The following CFAP54 variants were observed in gnomAD, a reference collection of about 807,000 sequenced individuals.
The protein encoded by CFAP54 is cilia and flagella associated protein 54.
In CFAP54, 290 loss-of-function variants were observed where a neutral mutation model predicts 370.4. The observed-to-expected ratio is 0.78, with a 90% confidence interval of 0.71 to 0.86. The LOEUF is 0.86. Ranked by LOEUF, CFAP54 falls within the 40% of genes least tolerant of loss-of-function variation. The pLI is 0.00. For synonymous variants in CFAP54, 1,206 were observed against 1,236.5 expected, an observed-to-expected ratio of 0.98 and a Z score of 0.52; for missense variants, 3,399 against 3,528.7, an observed-to-expected ratio of 0.96 and a Z score of 0.93.
chr12:96,833,875 TAATATTTTA>T (rs1160337854), intron 66 of CFAP54, among the ~76,000 whole-genome samples: 1 of 152,158 alleles, frequency 6.6e-6, no homozygotes, highest in Non-Finnish European at 1.5e-5. Flanking sequence ...TTAAATAATT[TAATATTTTA>T]AATATTTAAT....
intron 11 of CFAP54, among the ~76,000 whole-genome samples, 157 bp downstream of exon 11, chr12:96,534,384 A>G (rs1228349903): frequency 1.3e-5 from 2 of 152,188 alleles, no homozygotes; most frequent in African/African-American, 4.8e-5. Flanking sequence ...GCATGGGGGT[A>G]TGTGTGACCA....
intron 66 of CFAP54, among the ~76,000 whole-genome samples, chr12:96,857,003 G>A (rs373270367): frequency 1.3e-5 from 2 of 152,152 alleles, no homozygotes; most frequent in Non-Finnish European, 2.9e-5. Context: ...ATCATGGTGC[G>A]AGGGGAAGCA....
Position 96,644,325 on chromosome 12 carries a change from A to G in CFAP54, c.4464A>G (p.Leu1488=). The G allele has an allele frequency of 6.5e-7, 1 of 1,535,976 alleles. No homozygotes were observed. The highest frequency in any genetic ancestry group is 8.7e-7 in the Non-Finnish European group (1 of 1,146,768). The change falls in exon 33 of 68, where the codon CTA becomes CTG. Residue 1488 remains leucine, a synonymous_variant. Coordinates refer to ENST00000524981, the MANE Select transcript of CFAP54 (RefSeq NM_001306084.2). Reference sequence around the variant, plus strand: ...GGAGAGCTCAGATGAACCTGTATCTAGCAGGTGCACACTTTAACCTGGTTT... The same window carrying G: ...GGAGAGCTCAGATGAACCTGTATCTGGCAGGTGCACACTTTAACCTGGTTT... The part of the protein sequence containing the change: ...MPWRAQMNLY[L]AGAHFNLVLQ...
At chr12:96,574,073 C>A (rs185461276) in intron 19 of CFAP54, among the ~76,000 whole-genome samples, 1 of 152,148 alleles carries the variant, frequency 6.6e-6, no homozygotes, top group Non-Finnish European at 1.5e-5. Flanking sequence ...CAATTTCGAC[C>A]AGGCTTCATT....
At chr12:96,645,349 A>G (rs1956776359) in intron 33 of CFAP54, 2 of 318,534 alleles carry the variant, frequency 6.3e-6, no homozygotes, top group Admixed American at 7.6e-5. Flanking sequence ...CCCATTCACA[A>G]TTGCTTCAAA....
chr12:96,829,806 C>G (rs1959165249), intron 66 of CFAP54, among the ~76,000 whole-genome samples: 1 of 152,056 alleles, frequency 6.6e-6, no homozygotes, highest in Admixed American at 6.6e-5. Flanking sequence ...TCACCGCTGT[C>G]TATCACTGTC....
In CFAP54 at chr12:96,708,598, C is replaced by A. The variant is rs1208275055; in HGVS notation, c.6529-10C>A. 2 of 1,575,320 alleles carry A rather than the reference C, an allele frequency of 1.3e-6. No homozygotes were observed. Among genetic ancestry groups the A allele is most frequent in the East Asian group, 4.5e-5 (2 of 44,460 alleles). On this transcript the variant is annotated splice_polypyrimidine_tract_variant and intron_variant, in intron 47 of 67. Transcript: ENST00000524981. ...CTAATTTGCTCTTTTTCCTTTTTTC[C>A]ATTTTTTAGGCAATTGATGAATTAA...
chr12:96,634,117 G>T (rs937472233), intron 32 of CFAP54, among the ~76,000 whole-genome samples: 3 of 136,346 alleles, frequency 2.2e-5, no homozygotes, highest in East Asian at 4.3e-4. Context: ...GTGCAGTGGC[G>T]TGATCTTGGC....
At chr12:96,641,629 G>A (rs566992326) in intron 32 of CFAP54, among the ~76,000 whole-genome samples, 69 of 152,200 alleles carry the variant, frequency 4.5e-4, no homozygotes, top group South Asian at 2.9e-3. Flanking sequence ...ACATGCACAC[G>A]TATGTTTATT....
intron 9 of CFAP54, 103 bp downstream of exon 9, chr12:96,527,547 TTG>T (rs1318659490): frequency 3.9e-5 from 23 of 583,624 alleles, no homozygotes; most frequent in Admixed American, 1.5e-4. Flanking sequence ...AACATTTATA[TTG>T]TTTTTTTTTT....
At chr12:96,742,736 T>C (rs1053057132) in intron 52 of CFAP54, 150 bp downstream of exon 52, 32 of 807,022 alleles carry the variant, frequency 4.0e-5, no homozygotes, top group Non-Finnish European at 5.7e-5. Flanking sequence ...TATTAATATA[T>C]AGGAATATTT....
intron 67 of CFAP54, among the ~76,000 whole-genome samples, chr12:96,862,567 A>G (rs1355738202): frequency 6.6e-6 from 1 of 152,208 alleles, no homozygotes; most frequent in African/African-American, 2.4e-5. Flanking sequence ...TCCAGGGCAG[A>G]TAAGAATGCA....
intron 40 of CFAP54, chr12:96,682,333 A>G (rs2136551722): frequency 1.0e-6 from 1 of 983,936 alleles, no homozygotes; most frequent in Non-Finnish European, 1.2e-6. Context: ...TCACCAAACT[A>G]TTGGTAAGAG....
At chr12:96,735,647 A>G (rs557350320) in intron 50 of CFAP54, among the ~76,000 whole-genome samples, 5 of 152,324 alleles carry the variant, frequency 3.3e-5, no homozygotes, top group Non-Finnish European at 7.4e-5. Flanking sequence ...ACTAACAATG[A>G]CCTGGGGATA....
chr12:96,753,897 A>T lies in CFAP54; in HGVS notation c.7839A>T (p.Lys2613Asn). ...TGGAAGCTGAAATCCTTTTTCAGAAAGGTAAAATGCATCTGGGGTCAGAAC... is the reference window on the plus strand; with the variant it reads ...TGGAAGCTGAAATCCTTTTTCAGAATGGTAAAATGCATCTGGGGTCAGAAC... ...HEVEAEILFQKGKIERQILME... is the reference protein window; with the variant it reads ...HEVEAEILFQNGKIERQILME... The change falls in exon 56 of 68, where the codon AAA becomes AAT. Residue 2613 changes from lysine to asparagine, a missense_variant and splice_region_variant. This residue lies in a region of CFAP54 where 2,796 missense variants were observed against 2,869.7 expected (regional missense o/e 0.97). Transcript: ENST00000524981. The T allele has an allele frequency of 1.2e-6, 2 of 1,613,588 alleles. No individual in the cohort carries two copies. The highest frequency in any genetic ancestry group is 1.7e-6 in the Non-Finnish European group (2 of 1,179,706).
In CFAP54 at chr12:96,743,770, C is replaced by G. The variant is rs1250880388; in HGVS notation, c.7417C>G (p.Pro2473Ala). 6.2e-7 allele frequency: 1 copy of G among 1,611,208 alleles called. No homozygotes were observed. The highest frequency in any genetic ancestry group is 8.5e-7 in the Non-Finnish European group (1 of 1,179,218). Reference protein sequence around the residue: ...HLLEGNEFISPQSRLTLARSL... With the variant: ...HLLEGNEFISAQSRLTLARSL... ...GCTGGAAGGAAATGAATTTATTTCT[C>G]CTCAATCACGGCTAACCCTGGCAAG... Residue 2473 changes from proline to alanine, a missense_variant, in exon 54 of 68, where the codon CCT becomes GCT. This residue lies in a region of CFAP54 where 2,796 missense variants were observed against 2,869.7 expected (regional missense o/e 0.97). Coordinates refer to ENST00000524981, the MANE Select transcript of CFAP54 (RefSeq NM_001306084.2).
intron 60 of CFAP54, among the ~76,000 whole-genome samples, chr12:96,769,419 G>A (rs1565971946): frequency 6.6e-6 from 1 of 152,192 alleles, no homozygotes; most frequent in Non-Finnish European, 1.5e-5. Flanking sequence ...TGAGGTCGGA[G>A]GGGTGTGGGT....
chr12:96,861,077 T>G (rs973384563), intron 67 of CFAP54, 125 bp downstream of exon 67: 2 of 665,414 alleles, frequency 3.0e-6, no homozygotes, highest in Non-Finnish European at 4.5e-6. Flanking sequence ...TTTAAAATTA[T>G]TATTTTGAGG....
chr12:96,615,673 A>G (rs1485616979), intron 26 of CFAP54, among the ~76,000 whole-genome samples: 1 of 152,160 alleles, frequency 6.6e-6, no homozygotes, highest in Non-Finnish European at 1.5e-5. Context: ...CAAGAAAAAA[A>G]TAAACAACCC....
Sources: allele counts gnomAD v4.1 joint callset (sites outside exome capture counted in the v4.1 genomes callset), GRCh38; gene constraint gnomAD v4.1.1; regional missense constraint gnomAD v4.1.1; transcripts MANE v1.5; gene names NCBI Gene and HGNC (gene_info 2026-07-23, HGNC 2026-07-21).